The following PPFIA2 variants were observed in gnomAD, a reference collection of about 807,000 sequenced individuals.
PPFIA2 encodes liprin-alpha-2.
A neutral mutation model predicts 175.5 loss-of-function variants in PPFIA2; 46 were observed. The ratio of observed to expected loss-of-function variants is 0.26; its 90% CI spans 0.21 to 0.34. The LOEUF is 0.34. Among genes scored for constraint, PPFIA2 ranks in the 10% least tolerant of loss-of-function variants. The pLI is 1.00. For synonymous variants in PPFIA2, 568 were observed against 511.4 expected (o/e 1.11, Z -1.49); for missense variants, 1,179 against 1,506.1 (o/e 0.78, Z 3.60).
intron 20 of PPFIA2, 83 bp downstream of exon 20, chr12:81,340,995 G>A: frequency 7.4e-7 from 1 of 1,357,072 alleles, no homozygotes; most frequent in Admixed American, 2.1e-5. Context: ...AAATTGTTAA[G>A]CAGTCTATTC....
At chr12:81,415,313 T>C (rs1240354841) in intron 7 of PPFIA2, among the ~76,000 whole-genome samples, 1 of 133,704 alleles carries the variant, frequency 7.5e-6, no homozygotes, top group Admixed American at 7.9e-5. Context: ...CTAATATTTA[T>C]TGGATGAATA....
chr12:81,597,906 A>G (rs2059415101), intron 4 of PPFIA2: 2 of 1,513,634 alleles, frequency 1.3e-6, no homozygotes, highest in Admixed American at 4.0e-5. Context: ...AAAGTTTGAC[A>G]ATACATTAAC....
chr12:81,659,060 A>G (rs1393822972), intron 4 of PPFIA2, among the ~76,000 whole-genome samples: 2 of 152,108 alleles, frequency 1.3e-5, no homozygotes, highest in Non-Finnish European at 2.9e-5. Flanking sequence ...TAGATTAGTT[A>G]TAAATTAACA....
chr12:81,442,874 T>TATATAA (rs2050454992), intron 6 of PPFIA2, among the ~76,000 whole-genome samples: 1 of 105,782 alleles, frequency 9.5e-6, no homozygotes, highest in Non-Finnish European at 2.0e-5. Context: ...TATATATATA[T>TATATAA]ATATATATAT....
At chr12:81,404,554 T>A (rs1316290754) in intron 8 of PPFIA2, among the ~76,000 whole-genome samples, 1 of 152,186 alleles carries the variant, frequency 6.6e-6, no homozygotes, top group African/African-American at 2.4e-5. Flanking sequence ...ATAATGTTAT[T>A]CTAATCTCAG....
intron 3 of PPFIA2, among the ~76,000 whole-genome samples, chr12:81,700,975 T>A (rs1444468144): frequency 2.0e-5 from 3 of 152,228 alleles, no homozygotes; most frequent in Non-Finnish European, 2.9e-5. Context: ...TTAAAAGGTT[T>A]GGAAGATAAA....
intron 3 of PPFIA2, among the ~76,000 whole-genome samples, chr12:81,715,552 C>A (rs981820781): frequency 2.6e-5 from 4 of 151,600 alleles, no homozygotes; most frequent in African/African-American, 4.8e-5. Flanking sequence ...CAGCTTTTTT[C>A]CCCCAGTAAG....
intron 18 of PPFIA2, 32 bp from the exon 19 acceptor site, chr12:81,344,725 CAATT>C (rs980339446): frequency 7.4e-6 from 11 of 1,492,610 alleles, no homozygotes; most frequent in South Asian, 1.3e-5. Context: ...ACATAAAACA[CAATT>C]AATTAAGAAT....
intron 19 of PPFIA2, 83 bp downstream of exon 19, chr12:81,344,581 C>T (rs890354435): frequency 1.7e-5 from 17 of 998,434 alleles, no homozygotes; most frequent in East Asian, 2.7e-5. Context: ...TATCAACATT[C>T]GACTAGAGGG....
intron 4 of PPFIA2, among the ~76,000 whole-genome samples, chr12:81,522,905 G>GT (rs2063320939): frequency 6.6e-6 from 1 of 152,158 alleles, no homozygotes. Context: ...CTCAATAGAG[G>GT]TTTTTCTAAT....
chr12:81,451,114 T>A (rs1384885408), intron 5 of PPFIA2, among the ~76,000 whole-genome samples: 1 of 151,996 alleles, frequency 6.6e-6, no homozygotes, highest in Non-Finnish European at 1.5e-5. Context: ...ATACACACGC[T>A]CACATACAGA....
intron 14 of PPFIA2, among the ~76,000 whole-genome samples, chr12:81,364,090 G>C (rs886089449): frequency 1.3e-5 from 2 of 151,748 alleles, no homozygotes; most frequent in Non-Finnish European, 2.9e-5. Flanking sequence ...AGTGATACTT[G>C]GACAATGACC....
intron 27 of PPFIA2, among the ~76,000 whole-genome samples, chr12:81,277,743 T>C (rs907528311): frequency 1.3e-5 from 2 of 152,180 alleles, no homozygotes; most frequent in Non-Finnish European, 1.5e-5. Context: ...TTTTATTCAC[T>C]TGAAAAGAAT....
At chr12:81,353,085 A>C (rs1338624420) in intron 17 of PPFIA2, 34 bp downstream of exon 17, 2 of 1,580,104 alleles carry the variant, frequency 1.3e-6, no homozygotes, top group Admixed American at 1.7e-5. Context: ...AGGTCTTCTA[A>C]TTTCTTGAAA....
chr12:81,493,592 C>A (rs1207308939), intron 4 of PPFIA2, among the ~76,000 whole-genome samples: 1 of 151,458 alleles, frequency 6.6e-6, no homozygotes, highest in Non-Finnish European at 1.5e-5. Flanking sequence ...AGATAGGGGG[C>A]AACAGCCTGG....
chr12:81,713,461 A>C (rs2078209942), intron 3 of PPFIA2, among the ~76,000 whole-genome samples: 1 of 151,236 alleles, frequency 6.6e-6, no homozygotes, highest in Non-Finnish European at 1.5e-5. Flanking sequence ...CCTTACAAAT[A>C]ATGTTGTTTC....
At chr12:81,374,103 CTT>C (rs2035823957) in intron 11 of PPFIA2, among the ~76,000 whole-genome samples, 1 of 151,994 alleles carries the variant, frequency 6.6e-6, no homozygotes, top group Non-Finnish European at 1.5e-5. Context: ...TTTGAACACT[CTT>C]CAGCGTATTA....
At chr12:81,500,828 A>G (rs907265202) in intron 4 of PPFIA2, among the ~76,000 whole-genome samples, 1 of 152,116 alleles carries the variant, frequency 6.6e-6, no homozygotes, top group Admixed American at 6.6e-5. Context: ...TTTATCTGTT[A>G]ATTTAACCCT....
At chr12:81,621,033 A>T (rs2153480490) in intron 4 of PPFIA2, among the ~76,000 whole-genome samples, 1 of 152,380 alleles carries the variant, frequency 6.6e-6, no homozygotes, top group Admixed American at 6.5e-5. Context: ...ATCTTGCAAT[A>T]GAATAAATAA....
Sources: allele counts gnomAD v4.1 joint callset (sites outside exome capture counted in the v4.1 genomes callset), GRCh38; gene constraint gnomAD v4.1.1; transcripts MANE v1.5; gene names NCBI Gene and HGNC (gene_info 2026-07-23, HGNC 2026-07-21).